Variants in SLX4IP observed in about 807,000 individuals in gnomAD.
SLX4IP encodes the protein protein SLX4IP.
A neutral mutation model predicts 32.9 loss-of-function variants in SLX4IP; 34 were observed. The ratio of observed to expected loss-of-function variants is 1.03; its 90% CI spans 0.79 to 1.38. The LOEUF is 1.38. Among genes scored for constraint, SLX4IP ranks in the 40% most tolerant of loss-of-function variants. The pLI is 0.00. For missense variants in SLX4IP, 444 were observed against 479.0 expected (o/e 0.93, Z 0.68); for synonymous variants, 172 against 171.7 (o/e 1.00, Z -0.01).
intron 2 of SLX4IP, among the ~76,000 whole-genome samples, chr20:10,546,483 A>G (rs747630762): frequency 3.9e-5 from 6 of 152,194 alleles, no homozygotes; most frequent in Non-Finnish European, 8.8e-5. Flanking sequence ...TATGGAACTA[A>G]CAGTTCAGAA....
intron 5 of SLX4IP, among the ~76,000 whole-genome samples, chr20:10,600,296 T>C (rs576541325): frequency 4.5e-4 from 69 of 152,148 alleles, no homozygotes; most frequent in Non-Finnish European, 9.3e-4. Flanking sequence ...AATGGGGGCT[T>C]TCCTCATGAG....
chr20:10,589,714 T>A (rs1208910012), intron 4 of SLX4IP, among the ~76,000 whole-genome samples: 2 of 152,124 alleles, frequency 1.3e-5, no homozygotes, highest in African/African-American at 4.8e-5. Context: ...TTTTTAAAAA[T>A]CACGTTATAA....
intron 6 of SLX4IP, among the ~76,000 whole-genome samples, chr20:10,602,489 A>T (rs2066854368): frequency 6.6e-6 from 1 of 152,110 alleles, no homozygotes; most frequent in East Asian, 1.9e-4. Flanking sequence ...ACACTTGAGA[A>T]TCTCCTTGTT....
intron 2 of SLX4IP, among the ~76,000 whole-genome samples, chr20:10,551,877 G>C (rs2066221477): frequency 6.6e-6 from 1 of 152,196 alleles, no homozygotes; most frequent in Non-Finnish European, 1.5e-5. Context: ...TGCAGCAGGA[G>C]TGGACTGATC....
intron 2 of SLX4IP, among the ~76,000 whole-genome samples, chr20:10,490,303 C>A (rs1035254640): frequency 6.6e-6 from 1 of 151,486 alleles, no homozygotes; most frequent in Non-Finnish European, 1.5e-5. Flanking sequence ...TAAAATATTC[C>A]ATTTCCGGGT....
At chr20:10,481,165 T>C (rs1386589957) in intron 2 of SLX4IP, among the ~76,000 whole-genome samples, 1 of 152,174 alleles carries the variant, frequency 6.6e-6, no homozygotes, top group Admixed American at 6.5e-5. Context: ...AAAAGGTTTG[T>C]ATAAATTTAG....
At chr20:10,567,672 A>G (rs1172025685) in intron 4 of SLX4IP, among the ~76,000 whole-genome samples, 1 of 152,214 alleles carries the variant, frequency 6.6e-6, no homozygotes, top group African/African-American at 2.4e-5. Flanking sequence ...CTCACACTCT[A>G]TATAACTTTT....
At chr20:10,467,266 A>C (rs188488026) in intron 2 of SLX4IP, among the ~76,000 whole-genome samples, 1 of 152,242 alleles carries the variant, frequency 6.6e-6, no homozygotes, top group Non-Finnish European at 1.5e-5. Context: ...AATTATTTTC[A>C]TATCAATTGA....
chr20:10,460,396 G>C (rs562600690), intron 2 of SLX4IP, among the ~76,000 whole-genome samples: 3 of 152,230 alleles, frequency 2.0e-5, no homozygotes, highest in East Asian at 3.9e-4. Flanking sequence ...TTTTCCTTTT[G>C]ATGTTGGTTG....
At chr20:10,443,222 AAAAAACAAAAAC>A (rs879678951) in intron 1 of SLX4IP, among the ~76,000 whole-genome samples, 1 of 152,196 alleles carries the variant, frequency 6.6e-6, no homozygotes, top group Non-Finnish European at 1.5e-5. Flanking sequence ...TAAATCTAAA[AAAAAACAAAAAC>A]AAAAACAAAA....
At chr20:10,578,993 A>G (rs1267961128) in intron 4 of SLX4IP, among the ~76,000 whole-genome samples, 1 of 152,282 alleles carries the variant, frequency 6.6e-6, no homozygotes, top group Non-Finnish European at 1.5e-5. Context: ...TATATGATTT[A>G]TAACATTTTT....
chr20:10,601,669 C>A, intron 5 of SLX4IP, 62 bp from the exon 6 acceptor site: 2 of 1,399,840 alleles, frequency 1.4e-6, no homozygotes, highest in South Asian at 1.2e-5. Flanking sequence ...AAATCTGGAA[C>A]AACCATTCTG....
intron 2 of SLX4IP, among the ~76,000 whole-genome samples, chr20:10,532,312 T>C (rs1171268132): frequency 6.6e-6 from 1 of 152,112 alleles, no homozygotes; most frequent in Non-Finnish European, 1.5e-5. Context: ...TTCCACAGTG[T>C]ATACATACAA....
chr20:10,500,431 T>C (rs1052076748), intron 2 of SLX4IP, among the ~76,000 whole-genome samples: 1 of 151,974 alleles, frequency 6.6e-6, no homozygotes, highest in Non-Finnish European at 1.5e-5. Flanking sequence ...TGTGTTAAAG[T>C]TCTATGTGTG....
chr20:10,472,863 GT>G (rs558201748), intron 2 of SLX4IP, among the ~76,000 whole-genome samples: 175 of 152,094 alleles, frequency 1.2e-3, no homozygotes, highest in African/African-American at 4.1e-3. Context: ...ATTCATTGAG[GT>G]TTTTTTGTTT....
chr20:10,456,471 A>G (rs544277883), intron 1 of SLX4IP, among the ~76,000 whole-genome samples: 2 of 152,196 alleles, frequency 1.3e-5, no homozygotes, highest in African/African-American at 4.8e-5. Context: ...CCTCCTGAGT[A>G]GCTGGGATTA....
intron 4 of SLX4IP, among the ~76,000 whole-genome samples, chr20:10,566,190 A>G (rs2066390450): frequency 6.7e-6 from 1 of 149,558 alleles, no homozygotes; most frequent in Non-Finnish European, 1.5e-5. Context: ...TTCCCCCAGG[A>G]TTTGAGCTGC....
At chr20:10,521,919 A>T (rs2065903485) in intron 2 of SLX4IP, among the ~76,000 whole-genome samples, 1 of 152,234 alleles carries the variant, frequency 6.6e-6, no homozygotes, top group Admixed American at 6.5e-5. Flanking sequence ...CTAAGGGGAC[A>T]GGTGGGGAAA....
At chr20:10,622,555 T>C in intron 7 of SLX4IP, 104 bp from the exon 8 acceptor site, 3 of 1,482,310 alleles carry the variant, frequency 2.0e-6, no homozygotes, top group Middle Eastern at 5.1e-4. Context: ...GGGCAGGTAG[T>C]GCCTGCCTCC....
Sources: allele counts gnomAD v4.1 joint callset (sites outside exome capture counted in the v4.1 genomes callset), GRCh38; gene constraint gnomAD v4.1.1; transcripts MANE v1.5; gene names NCBI Gene and HGNC (gene_info 2026-07-23, HGNC 2026-07-21).